Variants in ACBD3 observed in about 807,000 individuals in gnomAD.
ACBD3 encodes acyl-CoA binding domain containing 3.
Under a neutral mutation model 66.9 loss-of-function variants are expected in ACBD3, and 30 were observed. That is an observed-to-expected ratio of 0.45 (90% CI 0.34 to 0.61). The LOEUF (loss-of-function observed/expected upper bound fraction) is 0.61. Ranked by LOEUF, ACBD3 falls within the 20% of genes least tolerant of loss-of-function variation. The probability of loss-of-function intolerance (pLI) is 0.02; values close to 1 mark genes in which losing one functional copy is unlikely to be tolerated. For synonymous variants in ACBD3, 278 were observed against 259.8 expected (o/e 1.07, Z -0.68); for missense variants, 544 against 664.5 (o/e 0.82, Z 1.99).
In ACBD3 at chr1:226,147,788, A is replaced by G. The variant is rs145229559; in HGVS notation, c.1376-967T>C. Among the ~76,000 whole-genome samples the G allele has an allele frequency of 8.0e-4, 121 of 152,142 alleles. No homozygotes were observed. The East Asian group carries it at 0.022, about 28-fold the overall frequency. On this transcript the variant is annotated intron_variant, in intron 7 of 7. Coordinates refer to ENST00000366812, the MANE Select transcript of ACBD3 (RefSeq NM_022735.4). ...TGAACTGTAATGCTATGAGGTTAGG[A>G]AAAAAAATGCCTCTAGAAACCTACA...
At position 226,152,458 on chromosome 1, in the gene ACBD3, A is replaced by G; in HGVS notation, c.1252T>C (p.Trp418Arg). 2 of 1,614,202 alleles carry G rather than the reference A, an allele frequency of 1.2e-6. No individual in the cohort carries two copies. Among genetic ancestry groups the G allele is most frequent in the Non-Finnish European group, 1.7e-6 (2 of 1,180,048 alleles). Residue 418 changes from tryptophan to arginine, a missense_variant, in exon 7 of 8, where the codon TGG (tryptophan) becomes CGG (arginine). This residue lies in a region of ACBD3 where 383 missense variants were observed against 462.4 expected (regional missense o/e 0.83). Transcript: ENST00000366812. ...TCATAATTGTCTGTGGCAAATTCCC[A>G]AAAGAGATATGATCCTTCTTCATGG... ...PTHEEGSYLF[W>R]EFATDNYDIG... is the part of the protein sequence containing the mutation.
At chr1:226,177,920 G>GT (rs895882826) in intron 1 of ACBD3, among the ~76,000 whole-genome samples, 92 of 151,074 alleles carry the variant, frequency 6.1e-4, no homozygotes, top group Middle Eastern at 3.4e-3. Flanking sequence ...TTTTTGTGGG[G>GT]TTTTTTTTGC....
intron 1 of ACBD3, among the ~76,000 whole-genome samples, chr1:226,169,164 C>CT (rs1659934830): frequency 6.6e-6 from 1 of 152,098 alleles, no homozygotes; most frequent in Non-Finnish European, 1.5e-5. Flanking sequence ...TGCCCACCCC[C>CT]TTCTCGCTTT....
rs537206387 is a variant in ACBD3, at chr1:226,182,354, C to T, written c.286+4036G>A. Among the ~76,000 whole-genome samples, 21 of 152,086 alleles carry T rather than the reference C, an allele frequency of 1.4e-4. No individual in the cohort carries two copies. The East Asian group carries it at 2.3e-3, about 17-fold the overall frequency. On this transcript the variant is annotated intron_variant, in intron 1 of 7. Transcript: ENST00000366812. ...TTACATGGCCAGGCGCGGTGGTTCA[C>T]GCCTGTAATCCCAGCGCTTTGGAAG...
rs374978330 is a variant in ACBD3, at chr1:226,161,591, C to T, written c.668G>A (p.Arg223Gln). Residue 223 changes from arginine to glutamine, a missense_variant, in exon 4 of 8, where the codon CGA (arginine) becomes CAA (glutamine). Physicochemically the swap from Arg to Gln is conservative, Grantham distance 43. Transcript: ENST00000366812. Reference sequence around the variant, plus strand: ...CCGTCTCCTTTCCTCTTCCTCCCGTCGAAGCCTTTCCTCTTCTTCTCTCCT... The same window carrying T: ...CCGTCTCCTTTCCTCTTCCTCCCGTTGAAGCCTTTCCTCTTCTTCTCTCCT... ...KRRREEEERLRREEEERRRIE... is the reference protein window; with the variant it reads ...KRRREEEERLQREEEERRRIE... The T allele has an allele frequency of 4.6e-5, 74 of 1,613,978 alleles. No homozygotes were observed. Among genetic ancestry groups the T allele is most frequent in the Non-Finnish European group, 5.8e-5 (69 of 1,180,032 alleles).
chr1:226,166,017 C>A lies in ACBD3; in HGVS notation c.287-17G>T. 6.3e-7 allele frequency: 1 copy of A among 1,597,460 alleles called. No homozygotes were observed. ...CATCTTTTTCTATAAGAAAAAGAAACACAAAGAAAACAATTAGCACAGGCA... is the reference window on the plus strand; with the variant it reads ...CATCTTTTTCTATAAGAAAAAGAAAAACAAAGAAAACAATTAGCACAGGCA... On this transcript the variant is annotated splice_polypyrimidine_tract_variant and intron_variant, in intron 1 of 7. Coordinates refer to ENST00000366812, the MANE Select transcript of ACBD3 (RefSeq NM_022735.4).
At chr1:226,169,007 T>C (rs1659930606) in intron 1 of ACBD3, among the ~76,000 whole-genome samples, 1 of 150,732 alleles carries the variant, frequency 6.6e-6, no homozygotes, top group Admixed American at 6.6e-5. Context: ...GGACTACAGG[T>C]GTGCGCCACC....
intron 4 of ACBD3, among the ~76,000 whole-genome samples, chr1:226,161,298 C>A (rs1393806565): frequency 6.6e-6 from 1 of 151,974 alleles, no homozygotes; most frequent in Non-Finnish European, 1.5e-5. Context: ...GCCACTGCGC[C>A]CAGCTAATTT....
intron 7 of ACBD3, among the ~76,000 whole-genome samples, chr1:226,147,091 C>T (rs1292531664): frequency 6.6e-6 from 1 of 152,112 alleles, no homozygotes; most frequent in Non-Finnish European, 1.5e-5. Context: ...GGACTTTCAC[C>T]ATGTTGGCCA....
At chr1:226,168,778 T>C (rs1659921005) in intron 1 of ACBD3, among the ~76,000 whole-genome samples, 1 of 149,932 alleles carries the variant, frequency 6.7e-6, no homozygotes, top group African/African-American at 2.5e-5. Flanking sequence ...CATCAAATAC[T>C]TGATAAGGAT....
At chr1:226,177,164 GTTTTT>G (rs35506283) in intron 1 of ACBD3, among the ~76,000 whole-genome samples, 6 of 130,432 alleles carry the variant, frequency 4.6e-5, no homozygotes, top group African/African-American at 1.7e-4. Context: ...CCATGTAGCT[GTTTTT>G]TTTTTTTTTT....
At chr1:226,160,969 G>C (rs1004595992) in intron 4 of ACBD3, among the ~76,000 whole-genome samples, 1 of 152,114 alleles carries the variant, frequency 6.6e-6, no homozygotes, top group East Asian at 1.9e-4. Context: ...ATAAATCCTC[G>C]GACAGCCTTG....
chr1:226,149,329 C>T (rs188926273), intron 7 of ACBD3, among the ~76,000 whole-genome samples: 2 of 150,930 alleles, frequency 1.3e-5, no homozygotes, highest in Admixed American at 6.6e-5. Flanking sequence ...CGGGTTCAAG[C>T]GATTCTCCTG....
rs191189456 is a variant in ACBD3 at position 226,144,953 on chromosome 1, A to C, written c.*1657T>G. On this transcript the variant is annotated 3_prime_UTR_variant, in exon 8 of 8. Coordinates refer to ENST00000366812, the MANE Select transcript of ACBD3 (RefSeq NM_022735.4). ...AATATATATTAGTGCCTGCTTTTTA[A>C]AAGTTTATTTTACATTTTAAATACA... 1 of 152,674 alleles carries C rather than the reference A, an allele frequency of 6.5e-6. No homozygotes were observed. The highest frequency in any genetic ancestry group is 1.5e-5 in the Non-Finnish European group (1 of 68,016). The allele number at this position is 152,674 out of a possible 1,614,324, so 9.5% of individuals were successfully genotyped here.
intron 1 of ACBD3, among the ~76,000 whole-genome samples, chr1:226,177,298 C>T (rs903463377): frequency 3.3e-5 from 5 of 150,732 alleles, no homozygotes; most frequent in East Asian, 2.0e-4. Context: ...CCCAGGTTTA[C>T]GCCATTCTCC....
intron 1 of ACBD3, among the ~76,000 whole-genome samples, chr1:226,184,671 TAAGTA>T (rs1190047226): frequency 6.6e-6 from 1 of 152,224 alleles, no homozygotes; most frequent in Non-Finnish European, 1.5e-5. Context: ...CAAACAATGT[TAAGTA>T]TACTACACGT....
rs755196657 is a variant in ACBD3, at chr1:226,152,418, AC to A, written c.1291del (p.Val431CysfsTer108). 1 of 1,613,978 alleles carries A rather than the reference AC, an allele frequency of 6.2e-7. No individual in the cohort carries two copies. On this transcript the variant is annotated frameshift_variant, in exon 7 of 8. Coordinates refer to ENST00000366812, the MANE Select transcript of ACBD3 (RefSeq NM_022735.4). LOFTEE classifies it high-confidence loss of function. ...ATDNYDIGFG[V>X]YFEWTDSPNT... ...TGGAGAGTCTGTCCATTCAAAATAC[AC>A]CCCAAACCCAATGTCATAATTGTCT...
intron 1 of ACBD3, among the ~76,000 whole-genome samples, chr1:226,175,857 C>T (rs939382672): frequency 1.3e-4 from 20 of 152,108 alleles, no homozygotes; most frequent in African/African-American, 4.1e-4. Flanking sequence ...AAAGGTAAAA[C>T]GAATAAACTC....
chr1:226,167,018 AC>A (rs1464677235), intron 1 of ACBD3, among the ~76,000 whole-genome samples: 2 of 149,296 alleles, frequency 1.3e-5, no homozygotes, highest in Non-Finnish European at 3.0e-5. Context: ...CTGGTCTTGA[AC>A]CCTGGGTTCA....
Sources: gnomAD v4.1 joint callset for allele counts (sites outside exome capture counted in the v4.1 genomes callset) on GRCh38, gnomAD v4.1.1 for gene constraint, gnomAD v4.1.1 regional missense constraint, MANE v1.5 for transcripts, NCBI Gene and HGNC (gene_info 2026-07-23, HGNC 2026-07-21) for gene names.